GTF3C1: variants seen among roughly 807,000 people sequenced by gnomAD.
The protein encoded by GTF3C1 is general transcription factor IIIC subunit 1.
In GTF3C1, 57 loss-of-function variants were observed where a neutral mutation model predicts 226.7. The observed-to-expected ratio is 0.25, with a 90% CI of 0.20 to 0.31. The LOEUF is 0.31. Ranked by LOEUF, GTF3C1 falls within the 10% of genes least tolerant of loss-of-function variation. The pLI, the probability that GTF3C1 is intolerant of heterozygous loss-of-function variation, is 1.00. For synonymous variants in GTF3C1, 1,090 were observed against 1,084.8 expected (o/e 1.00, Z -0.09); for missense variants, 2,217 against 2,776.1 (o/e 0.80, Z 4.53).
At chr16:27,464,108 C>T in intron 34 of GTF3C1, 1 of 455,552 alleles carries the variant, frequency 2.2e-6, no homozygotes, top group Non-Finnish European at 3.8e-6. Flanking sequence ...ACAGTGCTGC[C>T]TGGGGATGTG....
intron 1 of GTF3C1, among the ~76,000 whole-genome samples, chr16:27,547,791 A>G (rs977512602): frequency 4.6e-5 from 7 of 151,956 alleles, no homozygotes; most frequent in Non-Finnish European, 1.0e-4. Context: ...CGCCCAGCTA[A>G]TTTTTGTATT....
Position 27,461,507 on chromosome 16 carries a change from A to T in GTF3C1, c.6173T>A (p.Val2058Asp). The T allele has an allele frequency of 6.2e-7, 1 of 1,614,008 alleles. No individual in the cohort carries two copies. Among genetic ancestry groups the T allele is most frequent in the Non-Finnish European group, 8.5e-7 (1 of 1,179,984 alleles). The change falls in exon 37 of 37, where the codon GTC becomes GAC. Residue 2058 changes from valine (V) to aspartate (D), a missense_variant. Physicochemically the swap from Val to Asp is radical, Grantham distance 152. This residue lies in a region of GTF3C1 where 153 missense variants were observed against 199.8 expected (regional missense o/e 0.77). Coordinates refer to ENST00000356183, the MANE Select transcript of GTF3C1 (RefSeq NM_001520.4). The surrounding 1 kb of genome is among the most constrained non-coding windows in gnomAD (Gnocchi z 5.3). ...CACCACGGGTGTAGAGAAGAGCGAG[A>T]CAGGCCTTGGCTTTCTCAGCCAGCG... ...RKRWLRKPRP[V>D]SLFSTPVVEE...
rs1483257185 is a variant in GTF3C1 at position 27,492,754 on chromosome 16, C to T, written c.2877-41G>A. 1 of 1,098,056 alleles carries T rather than the reference C, an allele frequency of 9.1e-7. No individual in the cohort carries two copies. Among genetic ancestry groups the T allele is most frequent in the Non-Finnish European group, 1.4e-6 (1 of 708,682 alleles). 68.0% of individuals were successfully genotyped at this position (1,098,056 alleles called of 1,614,324 possible). On this transcript the variant is annotated intron_variant, in intron 17 of 36. Coordinates refer to ENST00000356183, the MANE Select transcript of GTF3C1 (RefSeq NM_001520.4). This position sits in a 1 kb window ranked among gnomAD's most constrained non-coding sequence, Gnocchi z 5.0. ...GGCGGGAGGTTCTCATCACACCACA[C>T]TCGCAGCCGGCCGCAGGGGTCTGCA...
intron 14 of GTF3C1, among the ~76,000 whole-genome samples, chr16:27,497,110 C>A (rs1165267961): frequency 1.2e-4 from 18 of 152,216 alleles, no homozygotes; most frequent in Admixed American, 1.1e-3. Context: ...CCTTCCTGAA[C>A]CAGCACATGT....
At chr16:27,542,276 G>A (rs1318204683) in intron 2 of GTF3C1, among the ~76,000 whole-genome samples, 1 of 152,134 alleles carries the variant, frequency 6.6e-6, no homozygotes, top group African/African-American at 2.4e-5. Flanking sequence ...TTAACTACCA[G>A]TATGCCGGGT....
intron 15 of GTF3C1, 137 bp downstream of exon 15, chr16:27,495,074 G>C: frequency 2.3e-6 from 2 of 859,818 alleles, no homozygotes; most frequent in Non-Finnish European, 3.7e-6. Flanking sequence ...TGCAGGTTCA[G>C]GAAGTGTGGA....
Position 27,511,814 on chromosome 16 carries a change from G to C in GTF3C1, c.1061C>G (p.Ser354Cys). Residue 354 changes from serine (S) to cysteine (C), a missense_variant, in exon 7 of 37, where the codon TCC becomes TGC. By Grantham distance (112) the Ser-to-Cys change is moderately radical. This residue lies in a region of GTF3C1 where 163 missense variants were observed against 234.3 expected (regional missense o/e 0.70). Transcript: ENST00000356183. ...AATGTCCACTGGAGGCACTGTCTTG[G>C]AGATGACCTCCTCGTCCTCGTCATC... is the stretch of plus-strand genomic sequence containing the variant. Reference protein sequence around the residue: ...HDDDEDEEVISKTVPPVDIVF... With the variant: ...HDDDEDEEVICKTVPPVDIVF... 1 of 1,614,140 alleles carries C rather than the reference G, an allele frequency of 6.2e-7. No homozygotes were observed. The highest frequency in any genetic ancestry group is 8.5e-7 in the Non-Finnish European group (1 of 1,180,024).
intron 7 of GTF3C1, among the ~76,000 whole-genome samples, chr16:27,509,416 T>G (rs1303204981): frequency 6.6e-6 from 1 of 152,168 alleles, no homozygotes; most frequent in Non-Finnish European, 1.5e-5. Context: ...GTAAAGCACA[T>G]GAGCCGCAAG....
chr16:27,542,823 C>T (rs1377301943), intron 2 of GTF3C1, among the ~76,000 whole-genome samples: 2 of 152,176 alleles, frequency 1.3e-5, no homozygotes, highest in Non-Finnish European at 2.9e-5. Context: ...TAAGGCAGCA[C>T]GTAAGTCTTG....
chr16:27,541,130 T>C (rs755306421), intron 2 of GTF3C1, among the ~76,000 whole-genome samples: 5 of 152,208 alleles, frequency 3.3e-5, no homozygotes, highest in Non-Finnish European at 7.3e-5. Flanking sequence ...TGTGAGCCAC[T>C]GCACCAGGCA....
chr16:27,462,371 G>T lies in GTF3C1; in HGVS notation c.6040C>A (p.Pro2014Thr), dbSNP rs750159671. 6.3e-7 allele frequency: 1 copy of T among 1,599,104 alleles called. No individual in the cohort carries two copies. The change falls in exon 36 of 37, where the codon CCT (proline) becomes ACT (threonine). Residue 2014 changes from proline (P) to threonine (T), a missense_variant. Physicochemically the swap from Pro to Thr is conservative, Grantham distance 38. This residue lies in a region of GTF3C1 where 153 missense variants were observed against 199.8 expected (regional missense o/e 0.77). Coordinates refer to ENST00000356183, the MANE Select transcript of GTF3C1 (RefSeq NM_001520.4). This position sits in a 1 kb window ranked among gnomAD's most constrained non-coding sequence, Gnocchi z 4.5. ...EAMLYHIMTRPGIPESSLLRH... is the reference protein window; with the variant it reads ...EAMLYHIMTRTGIPESSLLRH... ...AGCAGGGAGCTCTCGGGGATGCCAG[G>T]CCTGGTCATGATGTGGTACAGCATG...
Position 27,545,392 on chromosome 16 carries a change from T to A in GTF3C1, c.353A>T (p.Lys118Met). Reference sequence around the variant, plus strand: ...GTCATTGGTAATGTTTTTCCTCTCCTTAAAGTAGCGGCATGAGCCCTGGAT... The same window carrying A: ...GTCATTGGTAATGTTTTTCCTCTCCATAAAGTAGCGGCATGAGCCCTGGAT... ...DGIQGSCRYF[K>M]ERKNITNDIR... Residue 118 changes from lysine (K) to methionine (M), a missense_variant, in exon 2 of 37, where the codon AAG (lysine) becomes ATG (methionine). Transcript: ENST00000356183. The A allele has an allele frequency of 6.2e-7, 1 of 1,613,876 alleles. No individual in the cohort carries two copies. The highest frequency in any genetic ancestry group is 8.5e-7 in the Non-Finnish European group (1 of 1,179,726).
At chr16:27,512,945 G>A (rs1348556024) in intron 6 of GTF3C1, among the ~76,000 whole-genome samples, 1 of 152,152 alleles carries the variant, frequency 6.6e-6, no homozygotes, top group Non-Finnish European at 1.5e-5. Context: ...CCTGTGATAC[G>A]CGACAACCTG....
At chr16:27,534,736 T>C (rs1459163836) in intron 4 of GTF3C1, among the ~76,000 whole-genome samples, 3 of 152,232 alleles carry the variant, frequency 2.0e-5, no homozygotes, top group Non-Finnish European at 4.4e-5. Flanking sequence ...AACCAATGGA[T>C]AGTATGACCC....
At chr16:27,494,079 A>C (rs1432095417) in intron 16 of GTF3C1, among the ~76,000 whole-genome samples, 1 of 152,180 alleles carries the variant, frequency 6.6e-6, no homozygotes, top group East Asian at 1.9e-4. Context: ...TTTCTATTTT[A>C]TCTTTCTCTA....
At chr16:27,541,415 T>C (rs1451748518) in intron 2 of GTF3C1, among the ~76,000 whole-genome samples, 22 of 152,150 alleles carry the variant, frequency 1.4e-4, no homozygotes, top group Admixed American at 1.4e-3. Context: ...GGTTACAACT[T>C]CAAACATGTA....
At chr16:27,515,531 A>C (rs900149642) in intron 6 of GTF3C1, among the ~76,000 whole-genome samples, 2 of 151,942 alleles carry the variant, frequency 1.3e-5, no homozygotes, top group African/African-American at 4.8e-5. Context: ...TCACCTCTCT[A>C]CTAGTGGAGC....
chr16:27,495,536 C>T lies in GTF3C1; in HGVS notation c.2351-44G>A, dbSNP rs112438814. Reference sequence around the variant, plus strand: ...AGGGCGGTGCTTGAAAAATCCCATACTGAATTCAGTTTTAATTCATTAAAA... The same window carrying T: ...AGGGCGGTGCTTGAAAAATCCCATATTGAATTCAGTTTTAATTCATTAAAA... On this transcript the variant is annotated intron_variant, in intron 14 of 36. Transcript: ENST00000356183. 3.8e-6 allele frequency: 6 copies of T among 1,560,910 alleles called. No individual in the cohort carries two copies. In the East Asian group the frequency reaches 6.8e-5, roughly 18 times the overall value.
At chr16:27,464,926 T>G (rs2087762641) in intron 33 of GTF3C1, 90 bp from the exon 34 acceptor site, 1 of 1,141,916 alleles carries the variant, frequency 8.8e-7, no homozygotes, top group African/African-American at 1.6e-5. Context: ...CTCCCCTGAC[T>G]GGCGGGTTGA....
Sources: gnomAD v4.1 joint callset for allele counts (sites outside exome capture counted in the v4.1 genomes callset) on GRCh38, gnomAD v4.1.1 for gene constraint, gnomAD v4.1.1 regional missense constraint, Gnocchi (gnomAD v3.1) non-coding constraint, MANE v1.5 for transcripts, NCBI Gene and HGNC (gene_info 2026-07-23, HGNC 2026-07-21) for gene names.